GRIN2B: variants seen among roughly 807,000 people sequenced by gnomAD.
GRIN2B encodes glutamate receptor ionotropic, NMDA 2B.
Under a neutral mutation model 114.5 loss-of-function variants are expected in GRIN2B, and 5 were observed. The observed-to-expected ratio is 0.04, with a 90% CI of 0.02 to 0.09. The LOEUF (loss-of-function observed/expected upper bound fraction) is 0.09. Ranked by LOEUF, GRIN2B falls within the 10% of genes least tolerant of loss-of-function variation. GRIN2B has a pLI of 1.00. For synonymous variants in GRIN2B, 787 were observed against 745.1 expected, an observed-to-expected ratio of 1.06 and a Z score of -0.92; for missense variants, 1,108 against 1,943.5, an observed-to-expected ratio of 0.57 and a Z score of 8.08.
At chr12:13,931,529 C>G (rs1867031068) in intron 2 of GRIN2B, among the ~76,000 whole-genome samples, 1 of 152,172 alleles carries the variant, frequency 6.6e-6, no homozygotes, top group Non-Finnish European at 1.5e-5. Flanking sequence ...ACTAGGCTCA[C>G]TCCCTAAATG....
intron 3 of GRIN2B, among the ~76,000 whole-genome samples, chr12:13,806,522 CCTTT>C (rs1864603579): frequency 6.6e-6 from 1 of 151,996 alleles, no homozygotes; most frequent in African/African-American, 2.4e-5. Flanking sequence ...TGTATGTCTT[CCTTT>C]GAGAAATGTC....
intron 12 of GRIN2B, among the ~76,000 whole-genome samples, chr12:13,569,496 AT>A (rs1474192649): frequency 6.6e-6 from 1 of 152,190 alleles, no homozygotes; most frequent in African/African-American, 2.4e-5. Context: ...GAATGCCAAA[AT>A]TATCAGCAAA....
At position 13,865,923 on chromosome 12, in the gene GRIN2B, C is replaced by G. The variant is rs1865819395; in HGVS notation, c.286G>C (p.Gly96Arg). The change falls in exon 3 of 14, where the codon GGG (glycine) becomes CGG (arginine). Residue 96 changes from glycine to arginine, a missense_variant. This residue lies in a region of GRIN2B where 199 missense variants were observed against 439.6 expected (regional missense o/e 0.45). Transcript: ENST00000609686. ...TCTGTGTCATCAGCAAACACCACCC[C>G]CTGGATCTTCCGGTCAGACATGAGA... ...CDLMSDRKIQ[G>R]VVFADDTDQE... 6.2e-7 allele frequency: 1 copy of G among 1,613,948 alleles called. No individual in the cohort carries two copies. The highest frequency in any genetic ancestry group is 1.3e-5 in the African/African-American group (1 of 74,898).
At chr12:13,956,917 G>A (rs867189954) in intron 2 of GRIN2B, among the ~76,000 whole-genome samples, 1 of 152,014 alleles carries the variant, frequency 6.6e-6, no homozygotes, top group African/African-American at 2.4e-5. Flanking sequence ...GTTCTTTTTC[G>A]TCCTCTACCC....
chr12:13,703,150 G>C (rs1950327484), intron 4 of GRIN2B, among the ~76,000 whole-genome samples: 1 of 152,110 alleles, frequency 6.6e-6, no homozygotes, highest in Non-Finnish European at 1.5e-5. Flanking sequence ...TTCTAATTGG[G>C]GAGGGTTTTT....
intron 3 of GRIN2B, among the ~76,000 whole-genome samples, chr12:13,849,963 C>T (rs373492774): frequency 1.4e-4 from 22 of 152,222 alleles, no homozygotes; most frequent in African/African-American, 4.6e-4. Flanking sequence ...CACCTGAATA[C>T]CCCTCTTGCA....
At chr12:13,848,827 T>C (rs959737864) in intron 3 of GRIN2B, among the ~76,000 whole-genome samples, 3 of 152,170 alleles carry the variant, frequency 2.0e-5, no homozygotes, top group African/African-American at 7.2e-5. Context: ...TCCTAGAGCA[T>C]CTAGAAAGCT....
chr12:13,976,204 A>G (rs1479343861), intron 2 of GRIN2B, among the ~76,000 whole-genome samples: 2 of 151,724 alleles, frequency 1.3e-5, no homozygotes, highest in Non-Finnish European at 1.5e-5. Context: ...CCACTAATCT[A>G]CTCTCCCTGG....
intron 4 of GRIN2B, among the ~76,000 whole-genome samples, chr12:13,687,520 A>T (rs561721086): frequency 1.4e-4 from 22 of 152,140 alleles, no homozygotes; most frequent in Non-Finnish European, 2.8e-4. Flanking sequence ...CAAAATCCCT[A>T]TCATAGGTTC....
At position 13,797,612 on chromosome 12, in the gene GRIN2B, T is replaced by C. The variant is rs114913761; in HGVS notation, c.412-43697A>G. Reference sequence around the variant, plus strand: ...AATAGGTAGGAAACTACATACTGTTTTGACTAATGTAACAACCAACTGGTC... The same window carrying C: ...AATAGGTAGGAAACTACATACTGTTCTGACTAATGTAACAACCAACTGGTC... On this transcript the variant is annotated intron_variant, in intron 3 of 13. Coordinates refer to ENST00000609686, the MANE Select transcript of GRIN2B (RefSeq NM_000834.5). Among the ~76,000 whole-genome samples, 1,486 of 152,294 alleles carry C rather than the reference T, an allele frequency of 9.8e-3. 24 individuals are homozygous for C. The highest frequency in any genetic ancestry group is 0.034 in the African/African-American group (1,421 of 41,568).
intron 2 of GRIN2B, among the ~76,000 whole-genome samples, chr12:13,886,763 G>A (rs1047531034): frequency 8.6e-5 from 13 of 152,016 alleles, no homozygotes; most frequent in African/African-American, 2.4e-4. Context: ...AGCCAGCTCC[G>A]GGGGTATCAG....
chr12:13,717,226 A>G (rs1005415505), intron 4 of GRIN2B, among the ~76,000 whole-genome samples: 11 of 151,750 alleles, frequency 7.2e-5, no homozygotes, highest in Admixed American at 5.3e-4. Context: ...TATGAATCCC[A>G]GGAGACTTGG....
At chr12:13,887,262 T>G (rs934872920) in intron 2 of GRIN2B, among the ~76,000 whole-genome samples, 5 of 152,248 alleles carry the variant, frequency 3.3e-5, no homozygotes, top group African/African-American at 4.8e-5. Flanking sequence ...TTAAAACTTT[T>G]TAATAATTTG....
At chr12:13,959,506 T>C (rs1867653516) in intron 2 of GRIN2B, among the ~76,000 whole-genome samples, 1 of 151,702 alleles carries the variant, frequency 6.6e-6, no homozygotes, top group South Asian at 2.1e-4. Context: ...GGAGGCGAGG[T>C]CCAGGCGGGG....
chr12:13,856,966 C>A (rs549090946), intron 3 of GRIN2B, among the ~76,000 whole-genome samples: 3 of 152,300 alleles, frequency 2.0e-5, no homozygotes, highest in Non-Finnish European at 2.9e-5. Flanking sequence ...GCTGCTGTCA[C>A]CAAATCTGTG....
chr12:13,598,469 C>T (rs1413265648), intron 10 of GRIN2B, among the ~76,000 whole-genome samples: 1 of 152,194 alleles, frequency 6.6e-6, no homozygotes, highest in African/African-American at 2.4e-5. Context: ...GACCTGTCAC[C>T]TTCAGTCTTC....
At chr12:13,684,146 G>A (rs752584376) in intron 4 of GRIN2B, among the ~76,000 whole-genome samples, 30 of 151,964 alleles carry the variant, frequency 2.0e-4, no homozygotes, top group Non-Finnish European at 4.3e-4. Flanking sequence ...TTTGCAGTGG[G>A]CAGTCACTAA....
intron 5 of GRIN2B, among the ~76,000 whole-genome samples, chr12:13,661,406 T>C (rs1001860001): frequency 1.3e-5 from 2 of 152,228 alleles, no homozygotes; most frequent in African/African-American, 4.8e-5. Context: ...AGGGTACATC[T>C]GGAGATTCCG....
intron 3 of GRIN2B, among the ~76,000 whole-genome samples, chr12:13,848,585 C>T (rs1157067834): frequency 6.6e-6 from 1 of 152,120 alleles, no homozygotes; most frequent in African/African-American, 2.4e-5. Context: ...CTGAACTGAC[C>T]ATCAAGATCA....
Sources: gnomAD v4.1 joint callset for allele counts (sites outside exome capture counted in the v4.1 genomes callset) on GRCh38, gnomAD v4.1.1 for gene constraint, gnomAD v4.1.1 regional missense constraint, MANE v1.5 for transcripts, NCBI Gene and HGNC (gene_info 2026-07-23, HGNC 2026-07-21) for gene names.